SLC8A3: variants seen among roughly 807,000 people sequenced by gnomAD.
The protein encoded by SLC8A3 is sodium/calcium exchanger 3.
In SLC8A3, 37 loss-of-function variants were observed where a neutral mutation model predicts 65.4. That is an observed-to-expected ratio of 0.57 (90% CI 0.44 to 0.74). The LOEUF (loss-of-function observed/expected upper bound fraction) is 0.74, where lower values mean the gene tolerates loss of function less well. Among genes scored for constraint, SLC8A3 ranks in the 30% least tolerant of loss-of-function variants. The pLI is 0.00. For synonymous variants in SLC8A3, 461 were observed against 444.5 expected (o/e 1.04, Z -0.47); for missense variants, 1,112 against 1,172.1 (o/e 0.95, Z 0.75).
chr14:70,121,295 C>T (rs1459298272), intron 2 of SLC8A3, among the ~76,000 whole-genome samples: 1 of 152,180 alleles, frequency 6.6e-6, no homozygotes, highest in Non-Finnish European at 1.5e-5. Flanking sequence ...GAAGAAGCAT[C>T]TCCACTCTAT....
intron 2 of SLC8A3, among the ~76,000 whole-genome samples, chr14:70,151,162 G>A (rs935641238): frequency 2.0e-5 from 3 of 152,036 alleles, no homozygotes; most frequent in Non-Finnish European, 4.4e-5. Context: ...GCTGAGGCAG[G>A]AGACTTGCTT....
At chr14:70,063,005 A>G (rs1258886208) in intron 2 of SLC8A3, among the ~76,000 whole-genome samples, 1 of 152,174 alleles carries the variant, frequency 6.6e-6, no homozygotes, top group East Asian at 1.9e-4. Context: ...TGACTTGTCT[A>G]TTGGAGGCCA....
chr14:70,128,740 G>T (rs1046702405), intron 2 of SLC8A3, among the ~76,000 whole-genome samples: 1 of 152,186 alleles, frequency 6.6e-6, no homozygotes, highest in African/African-American at 2.4e-5. Flanking sequence ...CAGGCCTCAA[G>T]TTGTTAAAAC....
Position 70,168,101 on chromosome 14 carries a change from GA to G in SLC8A3, c.321del (p.Gln108LysfsTer5). 1 of 1,614,114 alleles carries G rather than the reference GA, an allele frequency of 6.2e-7. No homozygotes were observed. Among genetic ancestry groups the G allele is most frequent in the South Asian group, 1.1e-5 (1 of 91,062 alleles). ...TTCTTAATTGTCACCTCCCTCTCTT[GA>G]GAGGTGATGACTTCAATAGATGCCA... ...RFMASIEVIT[S>X]QEREVTIKKP... On this transcript the variant is annotated frameshift_variant, in exon 2 of 7. Coordinates refer to ENST00000356921, the MANE Select transcript of SLC8A3 (RefSeq NM_182932.3). LOFTEE classifies it high-confidence loss of function.
chr14:70,080,716 G>A (rs961430630), intron 2 of SLC8A3, among the ~76,000 whole-genome samples: 3 of 152,134 alleles, frequency 2.0e-5, no homozygotes, highest in South Asian at 4.1e-4. Flanking sequence ...AGTTGTACAC[G>A]GGCAGAAAAG....
chr14:70,109,453 G>GTGTA (rs1255062116), intron 2 of SLC8A3, among the ~76,000 whole-genome samples: 20 of 146,548 alleles, frequency 1.4e-4, no homozygotes, highest in Admixed American at 2.7e-4. Context: ...GTACGTGTGT[G>GTGTA]TATATATATA....
At chr14:70,083,333 C>T (rs1005123619) in intron 2 of SLC8A3, among the ~76,000 whole-genome samples, 11 of 152,148 alleles carry the variant, frequency 7.2e-5, no homozygotes, top group Admixed American at 6.5e-5. Context: ...TTGGGCAGGG[C>T]AGTTATCAAG....
intron 2 of SLC8A3, among the ~76,000 whole-genome samples, chr14:70,159,418 A>C (rs1018102253): frequency 6.6e-6 from 1 of 151,686 alleles, no homozygotes; most frequent in Non-Finnish European, 1.5e-5. Flanking sequence ...GTCAAAAAAA[A>C]AAAAAACAAA....
chr14:70,129,064 G>A (rs574532813), intron 2 of SLC8A3, among the ~76,000 whole-genome samples: 1 of 152,180 alleles, frequency 6.6e-6, no homozygotes, highest in South Asian at 2.1e-4. Flanking sequence ...TTAGGCCAGG[G>A]AGACTTTGGG....
chr14:70,104,558 G>A (rs1892735131), intron 2 of SLC8A3, among the ~76,000 whole-genome samples: 1 of 151,874 alleles, frequency 6.6e-6, no homozygotes, highest in Non-Finnish European at 1.5e-5. Context: ...CTTATCTCTG[G>A]TAATATTCTT....
At chr14:70,066,538 C>A (rs777691041) in intron 2 of SLC8A3, among the ~76,000 whole-genome samples, 2 of 152,122 alleles carry the variant, frequency 1.3e-5, no homozygotes, top group African/African-American at 4.8e-5. Context: ...TTGGCCAGCG[C>A]GGTGCCTCAC....
At chr14:70,159,045 G>A (rs947252505) in intron 2 of SLC8A3, among the ~76,000 whole-genome samples, 1 of 152,178 alleles carries the variant, frequency 6.6e-6, no homozygotes, top group African/African-American at 2.4e-5. Context: ...TATGTCACTG[G>A]CTCTATGCCA....
At chr14:70,054,785 T>G (rs11629291) in intron 3 of SLC8A3, among the ~76,000 whole-genome samples, 72,094 of 151,912 alleles carry the variant, frequency 0.47, 17,679 homozygotes, top group African/African-American at 0.62. Flanking sequence ...CCCAGAAGGC[T>G]TATGTCCTTA....
At chr14:70,090,856 A>G (rs139598516) in intron 2 of SLC8A3, among the ~76,000 whole-genome samples, 38 of 152,272 alleles carry the variant, frequency 2.5e-4, no homozygotes, top group African/African-American at 9.1e-4. Flanking sequence ...TTTTTGGGGG[A>G]TCACAAACTG....
At chr14:70,142,656 G>T (rs1421414174) in intron 2 of SLC8A3, among the ~76,000 whole-genome samples, 1 of 152,218 alleles carries the variant, frequency 6.6e-6, no homozygotes, top group Non-Finnish European at 1.5e-5. Flanking sequence ...GATTGCACTA[G>T]AAGAGAAATC....
intron 2 of SLC8A3, among the ~76,000 whole-genome samples, chr14:70,164,291 G>T (rs114965654): frequency 6.6e-6 from 1 of 152,214 alleles, no homozygotes; most frequent in African/African-American, 2.4e-5. Context: ...TTTCTGCTCC[G>T]TAATACTGCC....
chr14:70,167,150 T>C lies in SLC8A3; in HGVS notation c.1273A>G (p.Met425Val), dbSNP rs1897220234. 6.2e-7 allele frequency: 1 copy of C among 1,614,192 alleles called. No homozygotes were observed. The highest frequency in any genetic ancestry group is 8.5e-7 in the Non-Finnish European group (1 of 1,180,026). ...LLTVVRKGGD[M>V]SKTMYVDYKT... ...TAGTCCACATACATGGTCTTTGACA[T>C]GTCTCCCCCTTTCCTCACCACTGTC... is the stretch of plus-strand genomic sequence containing the variant. Residue 425 changes from methionine (M) to valine (V), a missense_variant, in exon 2 of 7, where the codon ATG (methionine) becomes GTG (valine). Coordinates refer to ENST00000356921, the MANE Select transcript of SLC8A3 (RefSeq NM_182932.3).
intron 1 of SLC8A3, among the ~76,000 whole-genome samples, chr14:70,174,667 T>C (rs1004348142): frequency 1.1e-5 from 1 of 92,786 alleles, no homozygotes; most frequent in Admixed American, 1.1e-4. Flanking sequence ...TTTTTGTTTT[T>C]TTTTTTTTTT....
intron 4 of SLC8A3, 110 bp downstream of exon 4, chr14:70,051,880 C>T: frequency 1.2e-6 from 1 of 865,042 alleles, no homozygotes; most frequent in Non-Finnish European, 1.8e-6. Context: ...GTGATTTGTT[C>T]AGTTTCAACT....
Sources: allele counts gnomAD v4.1 joint callset (sites outside exome capture counted in the v4.1 genomes callset), GRCh38; gene constraint gnomAD v4.1.1; transcripts MANE v1.5; gene names NCBI Gene and HGNC (gene_info 2026-07-23, HGNC 2026-07-21).